DHX8: variants seen among roughly 807,000 people sequenced by gnomAD.
The protein encoded by DHX8 is DEAH-box helicase 8.
In DHX8, 67 loss-of-function variants were observed where a neutral mutation model predicts 140.7. The ratio of observed to expected loss-of-function variants is 0.48; its 90% confidence interval spans 0.39 to 0.58. The LOEUF (loss-of-function observed/expected upper bound fraction) is 0.58, where lower values mean the gene tolerates loss of function less well. Among genes scored for constraint, DHX8 ranks in the 20% least tolerant of loss-of-function variants. The pLI is 0.00. For synonymous variants in DHX8, 533 were observed against 553.2 expected (o/e 0.96, Z 0.51); for missense variants, 887 against 1,550.7 (o/e 0.57, Z 7.19).
intron 3 of DHX8, among the ~76,000 whole-genome samples, chr17:43,536,888 C>T (rs367868682): frequency 1.1e-4 from 17 of 152,342 alleles, no homozygotes; most frequent in African/African-American, 2.4e-4. Context: ...GAAGACTGTT[C>T]TCAGAACCTG....
rs548971828 is a variant in DHX8 at position 43,497,938 on chromosome 17, C to T, written c.1301-924C>T. ...AATTTATTTTGGGTTAAGAATTATT[C>T]CACAATGAAGTTGGATGGCAAATGC... On this transcript the variant is annotated intron_variant, in intron 9 of 22. Coordinates refer to ENST00000262415, the MANE Select transcript of DHX8 (RefSeq NM_004941.3). 2.8e-3 allele frequency among the ~76,000 whole-genome samples: 420 copies of T among 152,204 alleles called. 1 individual carries two copies. The highest frequency in any genetic ancestry group is 6.8e-3 in the Middle Eastern group (2 of 294).
At chr17:43,489,179 A>G (rs570915430) in intron 1 of DHX8, among the ~76,000 whole-genome samples, 88 of 151,788 alleles carry the variant, frequency 5.8e-4, no homozygotes, top group African/African-American at 2.0e-3. Flanking sequence ...TAATTTTTGT[A>G]TTTTTAATAG....
intron 3 of DHX8, among the ~76,000 whole-genome samples, chr17:43,542,880 T>C (rs1971591599): frequency 6.6e-6 from 1 of 152,012 alleles, no homozygotes; most frequent in African/African-American, 2.4e-5. Context: ...TCCCCTTTCC[T>C]CCTAATGCGT....
At chr17:43,495,010 C>T (rs1968772831) in intron 8 of DHX8, among the ~76,000 whole-genome samples, 1 of 151,750 alleles carries the variant, frequency 6.6e-6, no homozygotes. Flanking sequence ...GACGGGGTTT[C>T]ACCATGTTGG....
At position 43,533,817 on chromosome 17, in the gene DHX8, A is replaced by G. The variant is rs755179959; in HGVS notation, c.351-2595A>G. On this transcript the variant is annotated intron_variant, in intron 2 of 3. Coordinates refer to the DHX8 transcript ENST00000589898. ...GGTGCCCCCTGCCTCCCTCCTCTGG[A>G]ACCCTTCTCCTACCCTTCACCAGGT... 5 of 1,599,876 alleles carry G rather than the reference A, an allele frequency of 3.1e-6. No homozygotes were observed. The South Asian group carries it at 4.5e-5, about 14-fold the overall frequency.
At chr17:43,534,052 TACCTTCTG>T in intron 2 of DHX8, 1 of 1,419,080 alleles carries the variant, frequency 7.0e-7, no homozygotes, top group Non-Finnish European at 9.1e-7. Flanking sequence ...GGGCTTCTGA[TACCTTCTG>T]AGCTTTGAGG....
chr17:43,526,363 G>C, downstream of DHX8: 1 of 1,475,686 alleles, frequency 6.8e-7, no homozygotes, highest in African/African-American at 1.4e-5. Flanking sequence ...CACATGCTGA[G>C]TGTGCTGTTT....
chr17:43,505,039 G>A (rs1969411785), intron 12 of DHX8, among the ~76,000 whole-genome samples: 1 of 152,134 alleles, frequency 6.6e-6, no homozygotes, highest in South Asian at 2.1e-4. Context: ...CACATCAGAG[G>A]CCAAGGCAGG....
At chr17:43,507,291 T>A (rs1969547676) in intron 13 of DHX8, 94 bp downstream of exon 13, 2 of 1,398,202 alleles carry the variant, frequency 1.4e-6, no homozygotes, top group Admixed American at 2.3e-5. Context: ...ACTGCCTTTT[T>A]TCAGGTTTCT....
At chr17:43,541,927 C>G (rs574376668) in intron 3 of DHX8, among the ~76,000 whole-genome samples, 5 of 152,206 alleles carry the variant, frequency 3.3e-5, no homozygotes, top group African/African-American at 1.2e-4. Flanking sequence ...ACAGACATGC[C>G]GAGGCACCAG....
chr17:43,506,590 G>A (rs1969507089), intron 12 of DHX8, among the ~76,000 whole-genome samples: 1 of 150,286 alleles, frequency 6.7e-6, no homozygotes, highest in Admixed American at 6.6e-5. Flanking sequence ...CTGCACTCCA[G>A]CATGGGCGAC....
intron 16 of DHX8, among the ~76,000 whole-genome samples, chr17:43,510,210 G>A (rs907176624): frequency 4.0e-5 from 6 of 151,756 alleles, no homozygotes; most frequent in Non-Finnish European, 8.8e-5. Context: ...CACCACACCC[G>A]GCTAATTTTG....
Position 43,491,248 on chromosome 17 carries a change from C to T in DHX8, c.391C>T (p.Arg131Trp), listed in dbSNP as rs759978048. The change falls in exon 4 of 23, where the codon CGG (arginine) becomes TGG (tryptophan). Residue 131 changes from arginine (R) to tryptophan (W), a missense_variant and splice_region_variant. Around this residue, in one of 9 missense-constraint regions of DHX8, gnomAD observed 304 missense variants for 306.9 expected, o/e 0.99. Transcript: ENST00000262415. ...TTGCCAACCGGACAACCCTTCTGTT[C>T]GGGTACTGATACCATTTTAAGAGTG... is the stretch of plus-strand genomic sequence containing the variant. ...VLCQPDNPSVRTMLDEDDVKV... is the reference protein window; with the variant it reads ...VLCQPDNPSVWTMLDEDDVKV... 38 of 1,510,466 alleles carry T rather than the reference C, an allele frequency of 2.5e-5. No individual in the cohort carries two copies. The highest frequency in any genetic ancestry group is 1.5e-4 in the South Asian group (11 of 74,000). The allele number at this position is 1,510,466 out of a possible 1,614,324, so 93.6% of individuals were successfully genotyped here. A position where few individuals can be genotyped will look rare whatever the true frequency, so the allele number is the denominator to read the frequency against.
rs532478131 is a variant in DHX8, at chr17:43,510,299, C to T, written c.2502+1779C>T. ...CTGACCTCAGATGATCTGCCCCCCT[C>T]GGCCTCCCAAAGCGCCGGGATTCCA... On this transcript the variant is annotated intron_variant, in intron 16 of 22. Coordinates refer to ENST00000262415, the MANE Select transcript of DHX8 (RefSeq NM_004941.3). 1.1e-4 allele frequency among the ~76,000 whole-genome samples: 16 copies of T among 152,280 alleles called. No homozygotes were observed. The South Asian group carries it at 2.7e-3, about 26-fold the overall frequency.
chr17:43,523,842 C>T lies in DHX8; in HGVS notation c.3658C>T (p.Arg1220Cys). 1.2e-6 allele frequency: 2 copies of T among 1,614,140 alleles called. No individual in the cohort carries two copies. The highest frequency in any genetic ancestry group is 8.5e-7 in the Non-Finnish European group (1 of 1,179,998). ...GAGAATATCTCGAGCTTTCCGACGG[C>T]GCTGAAAGGCAAGATTGTTCCTTTG... ...AWRISRAFRR[R>C] The change falls in exon 23 of 23, where the codon CGC (arginine) becomes TGC (cysteine). Residue 1220 changes from arginine (R) to cysteine (C), a missense_variant. Physicochemically the swap from Arg to Cys is radical, Grantham distance 180 (BLOSUM62 -3). This residue lies in a region of DHX8 where 14 missense variants were observed against 56.3 expected (regional missense o/e 0.25). Coordinates refer to ENST00000262415, the MANE Select transcript of DHX8 (RefSeq NM_004941.3).
chr17:43,511,828 A>T (rs1216627350), intron 16 of DHX8, among the ~76,000 whole-genome samples: 1 of 144,856 alleles, frequency 6.9e-6, no homozygotes, highest in Non-Finnish European at 1.5e-5. Flanking sequence ...AGCCTGGGCA[A>T]CATGGTGAGA....
chr17:43,511,450 C>T (rs1969819410), intron 16 of DHX8, among the ~76,000 whole-genome samples: 1 of 21,228 alleles, frequency 4.7e-5, no homozygotes, highest in South Asian at 1.6e-3. Flanking sequence ...TGCCTGTGAT[C>T]CCAGCATTTT....
Position 43,524,556 on chromosome 17 carries a change from C to A in DHX8, c.*709C>A, listed in dbSNP as rs1263523332. ...TGCTGGGGGATCACCCGATGATCAA[C>A]CATGTCCTCTCCACAGAGCACTTCA... On this transcript the variant is annotated 3_prime_UTR_variant, in exon 23 of 23. Coordinates refer to ENST00000262415, the MANE Select transcript of DHX8 (RefSeq NM_004941.3). 1.6e-5 allele frequency: 16 copies of A among 986,084 alleles called. No homozygotes were observed. Among genetic ancestry groups the A allele is most frequent in the Non-Finnish European group, 1.9e-5 (16 of 830,646 alleles). The allele number at this position is 986,084 out of a possible 1,614,324, so 61.1% of individuals were successfully genotyped here.
intron 17 of DHX8, among the ~76,000 whole-genome samples, chr17:43,513,753 G>A (rs147203407): frequency 0.097 from 9,830 of 100,920 alleles, 463 homozygotes; most frequent in Admixed American, 0.18. Flanking sequence ...CACTCTTGTT[G>A]CCCAGGCTGG....
Sources: gnomAD v4.1 joint callset for allele counts (sites outside exome capture counted in the v4.1 genomes callset) on GRCh38, gnomAD v4.1.1 for gene constraint, gnomAD v4.1.1 regional missense constraint, MANE v1.5 for transcripts, NCBI Gene and HGNC (gene_info 2026-07-23, HGNC 2026-07-21) for gene names.